SYNCRIP: variants seen among roughly 807,000 people sequenced by gnomAD.
SYNCRIP encodes the protein heterogeneous nuclear ribonucleoprotein Q.
SYNCRIP carries 9 observed loss-of-function variants against 68.9 expected under a neutral mutation model. The ratio of observed to expected loss-of-function variants is 0.13; its 90% confidence interval spans 0.08 to 0.23. The LOEUF (loss-of-function observed/expected upper bound fraction) is 0.23. Ranked by LOEUF, SYNCRIP falls within the 10% of genes least tolerant of loss-of-function variation. SYNCRIP has a pLI of 1.00. For synonymous variants in SYNCRIP, 258 were observed against 254.0 expected, an observed-to-expected ratio of 1.02 and a Z score of -0.15; for missense variants, 414 against 770.6, an observed-to-expected ratio of 0.54 and a Z score of 5.48.
chr6:85,626,177 T>A (rs1465360420), intron 6 of SYNCRIP, among the ~76,000 whole-genome samples: 1 of 152,264 alleles, frequency 6.6e-6, no homozygotes, highest in African/African-American at 2.4e-5. Context: ...AATCCATCAT[T>A]GCACAGAATT....
chr6:85,635,276 G>A (rs1352551038), intron 6 of SYNCRIP, among the ~76,000 whole-genome samples: 1 of 152,136 alleles, frequency 6.6e-6, no homozygotes, highest in Admixed American at 6.5e-5. Context: ...CAACTCAAAG[G>A]TTACCAGTAA....
chr6:85,619,739 C>T (rs1007081710), intron 8 of SYNCRIP, among the ~76,000 whole-genome samples: 15 of 152,236 alleles, frequency 9.9e-5, no homozygotes, highest in Middle Eastern at 6.8e-3. Context: ...ACTATAAATG[C>T]AGGTAAGAAT....
chr6:85,616,640 G>A (rs916760341), intron 10 of SYNCRIP, among the ~76,000 whole-genome samples: 8 of 152,160 alleles, frequency 5.3e-5, no homozygotes, highest in Non-Finnish European at 7.4e-5. Flanking sequence ...GAGCCACCAC[G>A]CCCGGCCTTA....
chr6:85,611,241 C>T (rs1409731821), downstream of SYNCRIP: 1 of 152,170 alleles, frequency 6.6e-6, no homozygotes, highest in Non-Finnish European at 1.5e-5. Flanking sequence ...AAGATTTCTA[C>T]ACTAACACAC....
intron 6 of SYNCRIP, among the ~76,000 whole-genome samples, chr6:85,625,797 T>C (rs566100489): frequency 6.6e-6 from 1 of 152,296 alleles, no homozygotes; most frequent in African/African-American, 2.4e-5. Context: ...CACCCAATAC[T>C]ACAATACATA....
chr6:85,609,338 G>T (rs1469355462), downstream of SYNCRIP: 1 of 151,874 alleles, frequency 6.6e-6, no homozygotes, highest in East Asian at 1.9e-4. Flanking sequence ...CAAAAAAGCT[G>T]TTCTGAATGT....
chr6:85,638,962 G>A (rs957018843), intron 4 of SYNCRIP, among the ~76,000 whole-genome samples: 5 of 152,074 alleles, frequency 3.3e-5, no homozygotes, highest in Admixed American at 6.5e-5. Context: ...GTAATCTCAG[G>A]ACTTTGGGAG....
chr6:85,616,486 T>C lies in SYNCRIP; in HGVS notation c.1281-1139A>G, dbSNP rs574459888. On this transcript the variant is annotated intron_variant, in intron 10 of 10. Transcript: ENST00000369622. ...GACTATAGGCATGTGCCACCATACC[T>C]AGCCAATTTTTATTTTTAGTAGAGA... 1.3e-3 allele frequency among the ~76,000 whole-genome samples: 201 copies of C among 152,154 alleles called. 1 individual carries two copies. The highest frequency in any genetic ancestry group is 4.4e-3 in the African/African-American group (182 of 41,518).
At chr6:85,639,775 C>T (rs1302343535) in intron 4 of SYNCRIP, among the ~76,000 whole-genome samples, 2 of 152,026 alleles carry the variant, frequency 1.3e-5, no homozygotes, top group East Asian at 3.9e-4. Context: ...ATCTTATTGT[C>T]AAAGCTGCTT....
At position 85,637,213 on chromosome 6, in the gene SYNCRIP, A is replaced by G. The variant is rs1167141512; in HGVS notation, c.489+30T>C. On this transcript the variant is annotated intron_variant, in intron 5 of 10. Transcript: ENST00000369622. The stretch of plus-strand genomic sequence containing the variant: ...GAAACCAGATACCTGTGCTTTTACT[A>G]CAAAAGGTACAAGTTTTTAGTTGCT... 4 of 1,608,664 alleles carry G rather than the reference A, an allele frequency of 2.5e-6. No homozygotes were observed. In the African/African-American group the frequency reaches 5.4e-5, roughly 22 times the overall value.
chr6:85,619,437 C>T lies in SYNCRIP; in HGVS notation c.1009-20G>A, dbSNP rs560782588. 7 of 1,601,944 alleles carry T rather than the reference C, an allele frequency of 4.4e-6. No homozygotes were observed. The Admixed American group carries it at 1.1e-4, about 24-fold the overall frequency. ...TTTTACCTAGGGGGAAGAAAATACC[C>T]CCCTGTATTATTTCCAAAGAGTTCC... On this transcript the variant is annotated intron_variant, in intron 8 of 10. Transcript: ENST00000369622.
chr6:85,623,928 A>C lies in SYNCRIP; in HGVS notation c.802+49T>G, dbSNP rs569284121. 29 of 1,598,174 alleles carry C rather than the reference A, an allele frequency of 1.8e-5. No homozygotes were observed. In the East Asian group the frequency reaches 6.0e-4, roughly 33 times the overall value. ...GCATGACGCACAGAAATATGCTATT[A>C]ATCTTCATTATTAAAAGCTGCACCT... On this transcript the variant is annotated intron_variant, in intron 7 of 10. Coordinates refer to ENST00000369622, the MANE Select transcript of SYNCRIP (RefSeq NM_006372.5).
Position 85,641,413 on chromosome 6 carries a change from A to G in SYNCRIP, c.27T>C (p.Asn9=), listed in dbSNP as rs776570039. The G allele has an allele frequency of 1.9e-6, 3 of 1,613,656 alleles. No homozygotes were observed. Among genetic ancestry groups the G allele is most frequent in the Non-Finnish European group, 2.5e-6 (3 of 1,179,996 alleles). ...TAGTATCCATGGGCTCTTCAGTACC[A>G]TTTCCATTAACATGTTCTGTAGCCA... The part of the protein sequence containing the change: MATEHVNG[N]GTEEPMDTTS... The change falls in exon 2 of 11, where the codon AAT becomes AAC. Residue 9 remains asparagine, a synonymous_variant. Transcript: ENST00000369622.
At chr6:85,610,580 ACTTT>A (rs1484990293), downstream of SYNCRIP, 2 of 152,044 alleles carry the variant, frequency 1.3e-5, no homozygotes, top group Non-Finnish European at 2.9e-5. Context: ...TGCAGTTCTT[ACTTT>A]AAGTAAACAA....
At chr6:85,623,715 T>C (rs1008282958) in intron 7 of SYNCRIP, among the ~76,000 whole-genome samples, 2 of 151,992 alleles carry the variant, frequency 1.3e-5, no homozygotes, top group Non-Finnish European at 2.9e-5. Flanking sequence ...TTCCAAAACA[T>C]AGGAAGAACA....
chr6:85,639,763 C>G (rs562623834), intron 4 of SYNCRIP, among the ~76,000 whole-genome samples: 1 of 152,198 alleles, frequency 6.6e-6, no homozygotes, highest in South Asian at 2.1e-4. Context: ...CCACACTAAA[C>G]AATCTTATTG....
exon 12 of SYNCRIP, chr6:85,608,771 G>C (rs192609112): frequency 1.3e-5 from 2 of 151,966 alleles, no homozygotes; most frequent in Non-Finnish European, 2.9e-5. Flanking sequence ...AATAATACTG[G>C]TTTGCATCTG....
rs1296785105 is a variant in SYNCRIP at position 85,640,580 on chromosome 6, G to A, written c.149-16C>T. 27 of 1,481,906 alleles carry A rather than the reference G, an allele frequency of 1.8e-5. No homozygotes were observed. Among genetic ancestry groups the A allele is most frequent in the East Asian group, 2.3e-5 (1 of 43,952 alleles). The allele number at this position is 1,481,906 out of a possible 1,614,324, so 91.8% of individuals were successfully genotyped here. On this transcript the variant is annotated splice_polypyrimidine_tract_variant and intron_variant, in intron 2 of 10. Transcript: ENST00000369622. ...GCAACTAGCCCTGAAAAAAATAAAA[G>A]TTATCAGCTTTTAATATTTTTAGAA... is the stretch of plus-strand genomic sequence containing the variant.
In SYNCRIP at chr6:85,614,363, G is replaced by T; in HGVS notation, c.*393C>A. On this transcript the variant is annotated 3_prime_UTR_variant, in exon 11 of 11. Transcript: ENST00000369622. Reference sequence around the variant, plus strand: ...TTACCTTATTCTAGCAATTTAAGTTGGTAACATACAAAGTTATTCTGATAC... The same window carrying T: ...TTACCTTATTCTAGCAATTTAAGTTTGTAACATACAAAGTTATTCTGATAC... 1.0e-6 allele frequency: 1 copy of T among 990,774 alleles called. No homozygotes were observed. The highest frequency in any genetic ancestry group is 1.1e-4 in the East Asian group (1 of 8,984). The allele number at this position is 990,774 out of a possible 1,614,324, so 61.4% of individuals were successfully genotyped here.
Sources: gnomAD v4.1 joint callset for allele counts (sites outside exome capture counted in the v4.1 genomes callset) on GRCh38, gnomAD v4.1.1 for gene constraint, MANE v1.5 for transcripts, NCBI Gene and HGNC (gene_info 2026-07-23, HGNC 2026-07-21) for gene names.